OSBPL10: variants seen among roughly 807,000 people sequenced by gnomAD.
OSBPL10 encodes the protein oxysterol-binding protein-related protein 10.
Under a neutral mutation model 81.7 loss-of-function variants are expected in OSBPL10, and 49 were observed. The observed-to-expected ratio is 0.60, with a 90% CI of 0.48 to 0.76. The LOEUF is 0.76. Among genes scored for constraint, OSBPL10 ranks in the 30% least tolerant of loss-of-function variants. The pLI is 0.00. For missense variants in OSBPL10, 923 were observed against 987.8 expected (o/e 0.93, Z 0.88); for synonymous variants, 419 against 383.6 (o/e 1.09, Z -1.08).
intron 2 of OSBPL10, chr3:31,991,277 T>C: frequency 3.2e-6 from 1 of 311,826 alleles, no homozygotes; most frequent in East Asian, 6.4e-5. Flanking sequence ...TGAGCCACTT[T>C]TCCTAGCCTG....
At chr3:31,918,319 TTTTTC>T (rs1339880118) in intron 1 of OSBPL10, among the ~76,000 whole-genome samples, 7 of 113,262 alleles carry the variant, frequency 6.2e-5, no homozygotes, top group African/African-American at 1.1e-4. Context: ...CTGGAGTTGT[TTTTTC>T]TTTTCTTTTT....
intron 1 of OSBPL10, among the ~76,000 whole-genome samples, chr3:32,073,675 C>T (rs901985849): frequency 1.6e-4 from 25 of 152,116 alleles, no homozygotes; most frequent in African/African-American, 5.3e-4. Context: ...TGGACTGCAC[C>T]CCAAAAAACT....
intron 3 of OSBPL10, among the ~76,000 whole-genome samples, chr3:31,841,158 C>T (rs1015610242): frequency 6.6e-6 from 1 of 152,208 alleles, no homozygotes; most frequent in East Asian, 1.9e-4. Context: ...TCCACCGCCT[C>T]GGCCTCCCAA....
At chr3:31,774,179 A>T (rs1698476583) in intron 4 of OSBPL10, among the ~76,000 whole-genome samples, 2 of 146,294 alleles carry the variant, frequency 1.4e-5, no homozygotes, top group African/African-American at 5.5e-5. Flanking sequence ...AAAAAAAAAA[A>T]GAAAGACAGA....
chr3:31,768,920 G>C (rs1361840005), intron 4 of OSBPL10, among the ~76,000 whole-genome samples: 1 of 152,150 alleles, frequency 6.6e-6, no homozygotes, highest in Non-Finnish European at 1.5e-5. Context: ...TTAATCTGAA[G>C]AACAATGACC....
intron 4 of OSBPL10, among the ~76,000 whole-genome samples, chr3:31,748,362 C>T (rs539732356): frequency 1.1e-4 from 16 of 152,226 alleles, no homozygotes; most frequent in Non-Finnish European, 2.1e-4. Context: ...GCCATTAGGG[C>T]CATCTGGGTA....
At chr3:32,057,206 G>A (rs991495700) in intron 1 of OSBPL10, among the ~76,000 whole-genome samples, 1 of 152,128 alleles carries the variant, frequency 6.6e-6, no homozygotes, top group African/African-American at 2.4e-5. Context: ...CAGCCCATGC[G>A]GTTGCTGTGT....
At chr3:31,833,045 G>A (rs927157689) in intron 3 of OSBPL10, among the ~76,000 whole-genome samples, 4 of 152,294 alleles carry the variant, frequency 2.6e-5, no homozygotes, top group Middle Eastern at 3.4e-3. Context: ...TGCAGATAAA[G>A]ATAGGAAATA....
At chr3:31,877,578 A>T (rs562547232) in intron 2 of OSBPL10, among the ~76,000 whole-genome samples, 1 of 108,744 alleles carries the variant, frequency 9.2e-6, no homozygotes, top group Admixed American at 1.0e-4. Context: ...GTTGACTATG[A>T]AAAAAAAAAA....
chr3:31,946,335 TAAC>T (rs1697702069), intron 1 of OSBPL10, among the ~76,000 whole-genome samples: 1 of 148,416 alleles, frequency 6.7e-6, no homozygotes, highest in Admixed American at 6.7e-5. Context: ...TTTTCAATAA[TAAC>T]AAAAAAATTA....
rs72857932 is a variant in OSBPL10 at position 31,665,156 on chromosome 3, C to T, written c.2097-924G>A. Among the ~76,000 whole-genome samples the T allele has an allele frequency of 2.6e-3, 402 of 152,318 alleles. 2 individuals are homozygous for T. Among genetic ancestry groups the T allele is most frequent in the African/African-American group, 9.4e-3 (392 of 41,560 alleles). On this transcript the variant is annotated intron_variant, in intron 10 of 11. Coordinates refer to ENST00000396556, the MANE Select transcript of OSBPL10 (RefSeq NM_017784.5). The stretch of plus-strand genomic sequence containing the variant: ...TATTTGGCTTATGTTTAACACACAG[C>T]TTTCCTCCTCAGGATGTCCTTGGGA...
At chr3:31,691,553 C>T (rs1240391767) in intron 7 of OSBPL10, among the ~76,000 whole-genome samples, 2 of 152,096 alleles carry the variant, frequency 1.3e-5, no homozygotes, top group Admixed American at 6.5e-5. Context: ...GTTGTCTCTA[C>T]ACAAAAAATG....
At chr3:31,813,483 G>C (rs932809502) in intron 4 of OSBPL10, among the ~76,000 whole-genome samples, 1 of 152,190 alleles carries the variant, frequency 6.6e-6, no homozygotes, top group Non-Finnish European at 1.5e-5. Flanking sequence ...ACACATAGGA[G>C]AAAGTGTTCA....
intron 4 of OSBPL10, among the ~76,000 whole-genome samples, chr3:31,780,931 A>C (rs540199202): frequency 6.6e-6 from 1 of 152,272 alleles, no homozygotes; most frequent in South Asian, 2.1e-4. Flanking sequence ...GTATTGCAGA[A>C]GATAAAGAGG....
intron 3 of OSBPL10, among the ~76,000 whole-genome samples, chr3:31,872,532 C>A (rs1701357211): frequency 7.0e-6 from 1 of 142,660 alleles, no homozygotes. Context: ...ATATTAAGAA[C>A]AAAAAGTACC....
intron 4 of OSBPL10, chr3:31,794,842 T>C (rs1296267542): frequency 5.4e-6 from 2 of 372,924 alleles, no homozygotes; most frequent in African/African-American, 2.2e-5. Context: ...GAGTGGGGCA[T>C]GTGGGAAAAA....
At chr3:31,708,641 G>A (rs747095533) in intron 6 of OSBPL10, 1 of 840,350 alleles carries the variant, frequency 1.2e-6, no homozygotes, top group Admixed American at 6.2e-5. Flanking sequence ...CTTGGAAAAA[G>A]TATCTCCCCT....
chr3:31,905,372 C>A (rs1468602673), intron 1 of OSBPL10, among the ~76,000 whole-genome samples: 1 of 70,624 alleles, frequency 1.4e-5, no homozygotes, highest in African/African-American at 7.1e-5. Context: ...TTTTTTTAGA[C>A]GGACTCCCGT....
chr3:31,853,207 T>C (rs1234349415), intron 3 of OSBPL10, among the ~76,000 whole-genome samples: 2 of 152,196 alleles, frequency 1.3e-5, no homozygotes, highest in Non-Finnish European at 2.9e-5. Context: ...CAACCTTTTC[T>C]AGTTCCTGAC....
Sources: gnomAD v4.1 joint callset for allele counts (sites outside exome capture counted in the v4.1 genomes callset) on GRCh38, gnomAD v4.1.1 for gene constraint, MANE v1.5 for transcripts, NCBI Gene and HGNC (gene_info 2026-07-23, HGNC 2026-07-21) for gene names.